Variants in ADARB2 observed in about 807,000 individuals in gnomAD.
ADARB2 encodes the protein adenosine deaminase RNA specific B2 (inactive).
In ADARB2, 25 loss-of-function variants were observed where a neutral mutation model predicts 62.2. The ratio of observed to expected loss-of-function variants is 0.40; its 90% CI spans 0.29 to 0.56. ADARB2 has a LOEUF of 0.56. Among genes scored for constraint, ADARB2 ranks in the 20% least tolerant of loss-of-function variants. ADARB2 has a pLI of 0.43. For synonymous variants in ADARB2, 572 were observed against 500.8 expected (o/e 1.14, Z -1.90); for missense variants, 1,071 against 1,077.4 (o/e 0.99, Z 0.08).
At chr10:1,219,802 C>A (rs938761927) in intron 6 of ADARB2, among the ~76,000 whole-genome samples, 2 of 140,080 alleles carry the variant, frequency 1.4e-5, no homozygotes, top group Non-Finnish European at 1.5e-5. Flanking sequence ...ATAATGATGG[C>A]AATGGTGATG....
Position 1,263,465 on chromosome 10 carries a change from T to C in ADARB2, c.1192+7490A>G, listed in dbSNP as rs112884808. Among the ~76,000 whole-genome samples, 940 of 152,262 alleles carry C rather than the reference T, an allele frequency of 6.2e-3. 7 individuals are homozygous for C. Among genetic ancestry groups the C allele is most frequent in the African/African-American group, 0.02 (811 of 41,564 alleles). ...CATAGTCAAAGAGACCAGAATAAAATGAGTTTAGTTGTGTTGCTTTGAGAT... is the reference window on the plus strand; with the variant it reads ...CATAGTCAAAGAGACCAGAATAAAACGAGTTTAGTTGTGTTGCTTTGAGAT... On this transcript the variant is annotated intron_variant, in intron 4 of 9. Transcript: ENST00000381312.
chr10:1,537,492 A>G (rs1320786951), intron 1 of ADARB2, among the ~76,000 whole-genome samples: 2 of 152,374 alleles, frequency 1.3e-5, no homozygotes, highest in African/African-American at 2.4e-5. Context: ...AAATTATTCT[A>G]CTATAAAGAC....
intron 1 of ADARB2, among the ~76,000 whole-genome samples, chr10:1,399,655 G>C (rs950105139): frequency 6.6e-6 from 1 of 152,210 alleles, no homozygotes; most frequent in African/African-American, 2.4e-5. Flanking sequence ...ATCACGCCCT[G>C]AGACGCATTC....
chr10:1,698,896 G>A (rs531984798), intron 1 of ADARB2, among the ~76,000 whole-genome samples: 1 of 152,318 alleles, frequency 6.6e-6, no homozygotes, highest in Admixed American at 6.5e-5. Context: ...GAGTAGCTGG[G>A]ATTACAGGCA....
intron 3 of ADARB2, chr10:1,292,341 G>A (rs1301039608): frequency 6.6e-6 from 1 of 152,194 alleles, no homozygotes; most frequent in South Asian, 2.1e-4. Flanking sequence ...AAATTTAAAA[G>A]TTGCATATAT....
At position 1,568,800 on chromosome 10, in the gene ADARB2, CTCTATCTATCTA is replaced by C. The variant is rs71379148; in HGVS notation, c.100+168239_100+168250del. Among the ~76,000 whole-genome samples, 121 of 148,574 alleles carry C rather than the reference CTCTATCTATCTA, an allele frequency of 8.1e-4. 2 individuals are homozygous for C. Among genetic ancestry groups the C allele is most frequent in the Admixed American group, 3.0e-3 (45 of 14,814 alleles). Reference sequence around the variant, plus strand: ...TGTGCATATATCTATATGTCTCTATCTCTATCTATCTATCTATCTATCTATCTATCTATCTAT... The same window carrying C: ...TGTGCATATATCTATATGTCTCTATCTCTATCTATCTATCTATCTATCTAT... On this transcript the variant is annotated intron_variant, in intron 1 of 9. Transcript: ENST00000381312.
At chr10:1,298,124 C>T (rs1248229256) in intron 3 of ADARB2, among the ~76,000 whole-genome samples, 1 of 152,192 alleles carries the variant, frequency 6.6e-6, no homozygotes, top group African/African-American at 2.4e-5. Context: ...CAGAAACACA[C>T]ACATTGTCTC....
At position 1,182,418 on chromosome 10, in the gene ADARB2, G is replaced by A. The variant is rs1026398134; in HGVS notation, c.*775C>T. 4.6e-5 allele frequency: 7 copies of A among 151,700 alleles called. No homozygotes were observed. The highest frequency in any genetic ancestry group is 7.3e-5 in the Non-Finnish European group (5 of 68,554). The allele number at this position is 151,700 out of a possible 1,614,324, so 9.4% of individuals were successfully genotyped here. On this transcript the variant is annotated 3_prime_UTR_variant, in exon 10 of 10. Transcript: ENST00000381312. ...TCCAGACTCCCCACATCTGCAGCAC[G>A]CGTGGGCCGGGTGTTTCCAGGCTCC...
chr10:1,216,050 G>C (rs912656137), intron 7 of ADARB2: 1 of 151,402 alleles, frequency 6.6e-6, no homozygotes, highest in African/African-American at 2.5e-5. Context: ...TCACCAACGT[G>C]GGGGTGTCAC....
In ADARB2 at chr10:1,216,998, C is replaced by A; in HGVS notation, c.1635G>T (p.Leu545=). ...PSAVQTWDGV[L]LGEQLITMSC... is the part of the protein sequence containing the mutation. ...ACATGGTGATCAGCTGCTCCCCCAG[C>A]AGGACGCCGTCCCAGGTCTGCACTG... Residue 545 remains leucine (L), a synonymous_variant, in exon 7 of 10, where the codon CTG becomes CTT. Coordinates refer to ENST00000381312, the MANE Select transcript of ADARB2 (RefSeq NM_018702.4). 1 of 1,610,310 alleles carries A rather than the reference C, an allele frequency of 6.2e-7. No individual in the cohort carries two copies.
intron 1 of ADARB2, among the ~76,000 whole-genome samples, chr10:1,516,446 T>C (rs931447852): frequency 1.3e-5 from 2 of 152,116 alleles, no homozygotes; most frequent in African/African-American, 4.8e-5. Context: ...TCAGACCAAA[T>C]GTCTGCTTGT....
chr10:1,282,164 G>A (rs1831376573), intron 3 of ADARB2, among the ~76,000 whole-genome samples: 1 of 152,108 alleles, frequency 6.6e-6, no homozygotes, highest in Non-Finnish European at 1.5e-5. Flanking sequence ...TTGTGTTGGG[G>A]TCCCATTTAC....
At chr10:1,330,199 C>G (rs1276513375) in intron 3 of ADARB2, among the ~76,000 whole-genome samples, 1 of 152,036 alleles carries the variant, frequency 6.6e-6, no homozygotes, top group African/African-American at 2.4e-5. Context: ...AGGGTGTTGG[C>G]AGGCATCTGA....
chr10:1,190,162 A>C (rs147550034), intron 8 of ADARB2, among the ~76,000 whole-genome samples: 1 of 151,596 alleles, frequency 6.6e-6, no homozygotes, highest in East Asian at 1.9e-4. Context: ...AAACATGAGC[A>C]TCAGCAGCTG....
chr10:1,280,634 G>A (rs981221014), intron 3 of ADARB2, among the ~76,000 whole-genome samples: 2 of 150,548 alleles, frequency 1.3e-5, no homozygotes, highest in African/African-American at 4.9e-5. Context: ...GTGATGCTCC[G>A]TGAAATTCCT....
At chr10:1,303,609 T>C (rs1252755640) in intron 3 of ADARB2, among the ~76,000 whole-genome samples, 1 of 151,032 alleles carries the variant, frequency 6.6e-6, no homozygotes, top group Non-Finnish European at 1.5e-5. Context: ...AAGGAAAAAA[T>C]GTTAAGGGCA....
Position 1,630,946 on chromosome 10 carries a change from C to T in ADARB2, c.100+106105G>A, listed in dbSNP as rs148733688. ...CTCCAGCCTGGGTGACAGAGCGAGA[C>T]TCCTTCTCAAAAACAAACAAACAAA... On this transcript the variant is annotated intron_variant, in intron 1 of 9. Transcript: ENST00000381312. Among the ~76,000 whole-genome samples the T allele has an allele frequency of 5.3e-4, 79 of 148,904 alleles. 1 individual carries two copies. Among genetic ancestry groups the T allele is most frequent in the Middle Eastern group, 3.4e-3 (1 of 294 alleles).
At chr10:1,590,402 GTTGA>G (rs1564340345) in intron 1 of ADARB2, among the ~76,000 whole-genome samples, 1 of 152,116 alleles carries the variant, frequency 6.6e-6, no homozygotes, top group Admixed American at 6.5e-5. Context: ...ATGGGTTCTC[GTTGA>G]TTTTTATTCT....
At chr10:1,522,181 A>G (rs1249307717) in intron 1 of ADARB2, among the ~76,000 whole-genome samples, 2 of 152,196 alleles carry the variant, frequency 1.3e-5, no homozygotes, top group African/African-American at 4.8e-5. Flanking sequence ...TGATATTGTC[A>G]GAGTTGCTAA....
Sources: allele counts gnomAD v4.1 joint callset (sites outside exome capture counted in the v4.1 genomes callset), GRCh38; gene constraint gnomAD v4.1.1; transcripts MANE v1.5; gene names NCBI Gene and HGNC (gene_info 2026-07-23, HGNC 2026-07-21).